Variants in KIF24 observed in about 807,000 individuals in gnomAD.
KIF24 encodes kinesin-like protein KIF24.
Under a neutral mutation model 118.9 loss-of-function variants are expected in KIF24, and 81 were observed. The observed-to-expected ratio is 0.68, with a 90% confidence interval of 0.57 to 0.82. The LOEUF is 0.82. Ranked by LOEUF, KIF24 falls within the 40% of genes least tolerant of loss-of-function variation. The pLI, the probability that KIF24 is intolerant of heterozygous loss-of-function variation, is 0.00. For missense variants in KIF24, 1,560 were observed against 1,661.6 expected (o/e 0.94, Z 1.06); for synonymous variants, 599 against 610.0 (o/e 0.98, Z 0.27).
At chr9:34,297,155 G>T in intron 3 of KIF24, 41 bp from the exon 4 acceptor site, 1 of 1,205,774 alleles carries the variant, frequency 8.3e-7, no homozygotes, top group Non-Finnish European at 1.2e-6. Context: ...GACACATTCT[G>T]GATTTTCTTA....
intron 6 of KIF24, among the ~76,000 whole-genome samples, chr9:34,281,365 A>T (rs978128519): frequency 6.6e-6 from 1 of 152,132 alleles, no homozygotes; most frequent in Non-Finnish European, 1.5e-5. Flanking sequence ...CTAATTATAC[A>T]CTATAGGTAG....
Position 34,259,510 on chromosome 9 carries a change from C to T in KIF24, c.1625+86G>A, listed in dbSNP as rs111518001. The T allele has an allele frequency of 0.012, 11,880 of 951,528 alleles. 931 individuals are homozygous for T. The African/African-American group carries it at 0.17, about 13-fold the overall frequency. The allele number at this position is 951,528 out of a possible 1,614,324, so 58.9% of individuals were successfully genotyped here. The stretch of plus-strand genomic sequence containing the variant: ...ATGTGCATGCACTTGCACACACACA[C>T]GCGTGCACACATGCTCACACACGCG... On this transcript the variant is annotated intron_variant, in intron 10 of 12. Transcript: ENST00000402558.
At chr9:34,307,816 G>A (rs1218115225) in intron 2 of KIF24, among the ~76,000 whole-genome samples, 1 of 140,974 alleles carries the variant, frequency 7.1e-6, no homozygotes, top group Admixed American at 7.6e-5. Context: ...AGGTGAGATA[G>A]TGCCATTGCA....
intron 6 of KIF24, among the ~76,000 whole-genome samples, chr9:34,278,620 A>G (rs1835741247): frequency 1.3e-5 from 2 of 151,660 alleles, no homozygotes; most frequent in South Asian, 2.1e-4. Context: ...GAGAGAATCT[A>G]TTTGGGGGAA....
intron 4 of KIF24, among the ~76,000 whole-genome samples, chr9:34,290,745 G>A (rs978761874): frequency 4.6e-5 from 7 of 151,928 alleles, no homozygotes; most frequent in Admixed American, 1.3e-4. Flanking sequence ...AAGTACAGGT[G>A]TGCGCCACCA....
chr9:34,267,161 C>T (rs1835327220), intron 8 of KIF24, among the ~76,000 whole-genome samples: 1 of 151,982 alleles, frequency 6.6e-6, no homozygotes, highest in Non-Finnish European at 1.5e-5. Context: ...TTCTGGAACT[C>T]TTAATAAAAT....
intron 2 of KIF24, among the ~76,000 whole-genome samples, chr9:34,310,150 T>C (rs1224755949): frequency 6.6e-6 from 1 of 152,200 alleles, no homozygotes; most frequent in African/African-American, 2.4e-5. Flanking sequence ...AACAATGTCT[T>C]ACTGTTTGTA....
intron 1 of KIF24, among the ~76,000 whole-genome samples, chr9:34,320,658 CAA>C (rs68048466): frequency 1.3e-3 from 71 of 54,434 alleles, no homozygotes; most frequent in African/African-American, 5.5e-3. Context: ...AACTCCTTCT[CAA>C]AAAAAAAAAA....
chr9:34,310,566 G>C (rs1369287812), intron 2 of KIF24, among the ~76,000 whole-genome samples, 158 bp downstream of exon 2: 1 of 151,906 alleles, frequency 6.6e-6, no homozygotes, highest in Admixed American at 6.6e-5. Flanking sequence ...CCCACATCCA[G>C]GTATTCCTAT....
chr9:34,321,603 C>CT (rs1213493493), intron 1 of KIF24, among the ~76,000 whole-genome samples: 29,436 of 99,160 alleles, frequency 0.3, 4,914 homozygotes, highest in South Asian at 0.46. Context: ...CATACTTCTT[C>CT]TTTTTTTTTT....
chr9:34,272,340 T>A (rs1032887026), intron 6 of KIF24, among the ~76,000 whole-genome samples: 1 of 152,196 alleles, frequency 6.6e-6, no homozygotes, highest in Non-Finnish European at 1.5e-5. Context: ...CATCCACCTG[T>A]TCTACCAGGA....
intron 1 of KIF24, among the ~76,000 whole-genome samples, chr9:34,328,239 T>C (rs751845622): frequency 2.0e-5 from 3 of 152,240 alleles, no homozygotes; most frequent in Non-Finnish European, 4.4e-5. Context: ...CCTCTCTACT[T>C]GTAGAATACA....
intron 1 of KIF24, among the ~76,000 whole-genome samples, chr9:34,312,739 C>T (rs755420030): frequency 1.2e-4 from 19 of 152,246 alleles, no homozygotes; most frequent in Non-Finnish European, 2.6e-4. Context: ...CACTCTGTTG[C>T]CCAGGCTGGA....
At chr9:34,290,616 T>G (rs1988076) in intron 4 of KIF24, among the ~76,000 whole-genome samples, 15 of 151,810 alleles carry the variant, frequency 9.9e-5, no homozygotes, top group Non-Finnish European at 2.9e-5. Flanking sequence ...TTTTTTTGTT[T>G]TTTGAAATGG....
At chr9:34,297,402 GGAGA>G (rs1389854623) in intron 3 of KIF24, among the ~76,000 whole-genome samples, 1 of 152,156 alleles carries the variant, frequency 6.6e-6, no homozygotes, top group Non-Finnish European at 1.5e-5. Flanking sequence ...CTTAGGTCTA[GGAGA>G]GAAAGTGAAT....
rs879065306 is a variant in KIF24, at chr9:34,255,926, A to G, written c.3681T>C (p.Pro1227=). The G allele has an allele frequency of 6.2e-7, 1 of 1,613,998 alleles. No individual in the cohort carries two copies. The highest frequency in any genetic ancestry group is 1.1e-5 in the South Asian group (1 of 91,086). ...CAAACTCCTGCCAACCAAGCCTTGT[A>G]GGATGTTTTCTCTCCTGGGCCCAGA... is the stretch of plus-strand genomic sequence containing the variant. ...DQLWAQERKH[P]TRLGWQEFGL... Residue 1227 remains proline, a synonymous_variant, in exon 11 of 13, where the codon CCT becomes CCC. Coordinates refer to ENST00000402558, the MANE Select transcript of KIF24 (RefSeq NM_194313.4).
At chr9:34,255,430 G>A (rs1403001888) in intron 11 of KIF24, among the ~76,000 whole-genome samples, 3 of 152,108 alleles carry the variant, frequency 2.0e-5, no homozygotes, top group Admixed American at 6.6e-5. Flanking sequence ...TACTGAGGGG[G>A]CAGGGCTGGG....
chr9:34,282,835 T>C (rs1835896709), intron 6 of KIF24, among the ~76,000 whole-genome samples: 1 of 152,056 alleles, frequency 6.6e-6, no homozygotes, highest in African/African-American at 2.4e-5. Flanking sequence ...GTGGATCACT[T>C]GAGGTCAGGA....
chr9:34,288,848 C>CCACACACACACACACA (rs10537521), intron 5 of KIF24, among the ~76,000 whole-genome samples: 11 of 138,902 alleles, frequency 7.9e-5, no homozygotes, highest in African/African-American at 3.0e-4. Context: ...CCCAAATAAA[C>CCACACACACACACACA]CACACACACA....
Sources: gnomAD v4.1 joint callset for allele counts (sites outside exome capture counted in the v4.1 genomes callset) on GRCh38, gnomAD v4.1.1 for gene constraint, MANE v1.5 for transcripts, NCBI Gene and HGNC (gene_info 2026-07-23, HGNC 2026-07-21) for gene names.